Variants in GPR55 observed in about 807,000 individuals in gnomAD.
The protein encoded by GPR55 is G protein-coupled receptor 55, also known as G-protein coupled receptor 55.
In GPR55, 6 loss-of-function variants were observed where a neutral mutation model predicts 7.9. The observed-to-expected ratio is 0.76, with a 90% CI of 0.41 to 1.49. The LOEUF is 1.49. Ranked by LOEUF, GPR55 falls within the 40% of genes most tolerant of loss-of-function variation. GPR55 has a pLI of 0.01. For synonymous variants in GPR55, 183 were observed against 166.8 expected (o/e 1.10, Z -0.75); for missense variants, 376 against 406.0 (o/e 0.93, Z 0.63).
rs1280824916 is a variant in GPR55, at chr2:230,910,015, G to A, written c.948C>T (p.Ile316=). The A allele has an allele frequency of 3.1e-6, 5 of 1,613,018 alleles. No individual in the cohort carries two copies. Among genetic ancestry groups the A allele is most frequent in the Non-Finnish European group, 4.2e-6 (5 of 1,179,316 alleles). Residue 316 remains isoleucine, a synonymous_variant, in exon 2 of 2, where the codon ATC becomes ATT. Transcript: ENST00000650999. This position sits in a 1 kb window ranked among gnomAD's most constrained non-coding sequence, Gnocchi z 5.4. ...RVQLVLQDTT[I]SRG ...GGATGTCCTTCCGTTAGCCCCGGGA[G>A]ATCGTGGTGTCCTGCAGGACCAGCT...
At chr2:230,937,578 A>C (rs1229996608) in intron 1 of GPR55, among the ~76,000 whole-genome samples, 1 of 151,390 alleles carries the variant, frequency 6.6e-6, no homozygotes, top group Non-Finnish European at 1.5e-5. Flanking sequence ...TTGCCGAGAG[A>C]GCTTTTTGCT....
chr2:230,910,302 G>A lies in GPR55; in HGVS notation c.661C>T (p.Gln221Ter), dbSNP rs1447602616. Residue 221 changes from glutamine to a stop codon, truncating the protein, a stop_gained, in exon 2 of 2, where the codon CAG becomes TAG. Transcript: ENST00000650999. LOFTEE classifies it high-confidence loss of function. The surrounding 1 kb of genome is among the most constrained non-coding windows in gnomAD (Gnocchi z 5.4). Reference sequence around the variant, plus strand: ...GCGATGCTGTAGATGCAGGCTTTCTGCTGCACCCAGTCCTGGGTGTGGTCT... The same window carrying A: ...GCGATGCTGTAGATGCAGGCTTTCTACTGCACCCAGTCCTGGGTGTGGTCT... ...RRDHTQDWVQ[Q>*]KACIYSIAAS... is the part of the protein sequence containing the mutation. The A allele has an allele frequency of 6.2e-7, 1 of 1,613,932 alleles. No individual in the cohort carries two copies. Among genetic ancestry groups the A allele is most frequent in the Non-Finnish European group, 8.5e-7 (1 of 1,179,898 alleles).
chr2:230,945,981 CAG>C (rs1691306879), intron 1 of GPR55, among the ~76,000 whole-genome samples: 1 of 152,136 alleles, frequency 6.6e-6, no homozygotes, highest in Admixed American at 6.5e-5. Context: ...AAGTGTCCAT[CAG>C]TGGATGAATG....
intron 1 of GPR55, among the ~76,000 whole-genome samples, chr2:230,947,801 C>A (rs1358889372): frequency 6.6e-6 from 1 of 152,112 alleles, no homozygotes. Flanking sequence ...CACATCCAGC[C>A]TTTTAGTGCT....
At chr2:230,917,894 T>C (rs1418678882) in intron 1 of GPR55, among the ~76,000 whole-genome samples, 3 of 151,742 alleles carry the variant, frequency 2.0e-5, no homozygotes, top group Admixed American at 2.0e-4. Context: ...ACTAAATACA[T>C]GTGAAGAATA....
intron 1 of GPR55, among the ~76,000 whole-genome samples, chr2:230,930,767 G>C (rs534968626): frequency 5.9e-5 from 9 of 152,158 alleles, no homozygotes; most frequent in Non-Finnish European, 1.0e-4. Context: ...GCCTGGCTCA[G>C]TTTTATCTTT....
chr2:230,927,203 G>A (rs537920853), upstream of GPR55, among the ~76,000 whole-genome samples: 15 of 152,224 alleles, frequency 9.9e-5, no homozygotes, highest in South Asian at 2.1e-4. Context: ...GTGCCCGCCC[G>A]TGTACACCTG....
rs1336162993 is a variant in GPR55, at chr2:230,908,754, T to C, written c.*1249A>G. The C allele has an allele frequency of 6.6e-6, 1 of 152,328 alleles. No homozygotes were observed. Among genetic ancestry groups the C allele is most frequent in the Non-Finnish European group, 1.5e-5 (1 of 68,140 alleles). 9.4% of individuals were successfully genotyped at this position (152,328 alleles called of 1,614,324 possible). On this transcript the variant is annotated 3_prime_UTR_variant, in exon 2 of 2. Coordinates refer to ENST00000650999, the MANE Select transcript of GPR55 (RefSeq NM_005683.4). ...CAATGGATCCTTCTCATCATTTCACTCTCCGGAGCAGCTGAGTCATTGGGA... is the reference window on the plus strand; with the variant it reads ...CAATGGATCCTTCTCATCATTTCACCCTCCGGAGCAGCTGAGTCATTGGGA...
chr2:230,920,818 T>C (rs1272802777), intron 1 of GPR55, among the ~76,000 whole-genome samples: 2 of 151,630 alleles, frequency 1.3e-5, no homozygotes, highest in African/African-American at 4.9e-5. Flanking sequence ...TATCACAATA[T>C]AGAAAACAGA....
At chr2:230,930,233 A>C (rs1691013074), upstream of GPR55, among the ~76,000 whole-genome samples, 1 of 152,136 alleles carries the variant, frequency 6.6e-6, no homozygotes, top group Non-Finnish European at 1.5e-5. Flanking sequence ...CAGATGGTGG[A>C]CCCTTTTGAA....
chr2:230,960,085 T>C (rs1310892556), intron 1 of GPR55, among the ~76,000 whole-genome samples: 2 of 152,174 alleles, frequency 1.3e-5, no homozygotes, highest in African/African-American at 4.8e-5. Flanking sequence ...ATTTGACTTA[T>C]TCTACACCAA....
intron 1 of GPR55, among the ~76,000 whole-genome samples, chr2:230,913,401 T>C (rs1690637853): frequency 6.6e-6 from 1 of 152,196 alleles, no homozygotes; most frequent in South Asian, 2.1e-4. Context: ...TATATATAGA[T>C]AGATGTTTAT....
upstream of GPR55, chr2:230,929,466 C>G (rs1375373690): frequency 6.6e-6 from 1 of 152,272 alleles, no homozygotes; most frequent in Non-Finnish European, 1.5e-5. Context: ...TGCAGCCTTC[C>G]CCTCCCATGT....
rs149783193 is a variant in GPR55, at chr2:230,910,243, G to A, written c.720C>T (p.Leu240=). ...ASLAVFVVSF[L]PVHLGFFLQF... is the part of the protein sequence containing the mutation. ...GCAGGAAGAACCCCAGGTGGACTGG[G>A]AGGAAGGAGACCACGAAGACAGCCA... is the stretch of plus-strand genomic sequence containing the variant. Residue 240 remains leucine (L), a synonymous_variant, in exon 2 of 2, where the codon CTC becomes CTT. Coordinates refer to ENST00000650999, the MANE Select transcript of GPR55 (RefSeq NM_005683.4). This position sits in a 1 kb window ranked among gnomAD's most constrained non-coding sequence, Gnocchi z 5.4. 2.5e-6 allele frequency: 4 copies of A among 1,614,042 alleles called. No homozygotes were observed. Among genetic ancestry groups the A allele is most frequent in the African/African-American group, 2.7e-5 (2 of 74,932 alleles).
rs1298435857 is a variant in GPR55, at chr2:230,923,502, G to A, written c.-135+1666C>T. Among the ~76,000 whole-genome samples, 2 of 152,198 alleles carry A rather than the reference G, an allele frequency of 1.3e-5. No individual in the cohort carries two copies. Among genetic ancestry groups the A allele is most frequent in the African/African-American group, 4.8e-5 (2 of 41,444 alleles). On this transcript the variant is annotated intron_variant, in intron 1 of 1. Transcript: ENST00000650999. The surrounding 1 kb of genome is among the most constrained non-coding windows in gnomAD (Gnocchi z 4.1). ...AGTCATCCGCCTGTGCCTGAGCTGG[G>A]CTTCTGGGGGCCACGATAGAAGAAG... is the stretch of plus-strand genomic sequence containing the variant.
At chr2:230,960,981 A>G (rs1275743286) in exon 1 of GPR55, 3 of 152,260 alleles carry the variant, frequency 2.0e-5, no homozygotes, top group Non-Finnish European at 4.4e-5. Context: ...AAAAATCCCC[A>G]GGCTTCAGGC....
chr2:230,919,251 G>T (rs1417172043), intron 1 of GPR55, among the ~76,000 whole-genome samples: 3 of 152,092 alleles, frequency 2.0e-5, no homozygotes, highest in South Asian at 2.1e-4. Context: ...AAAGCTCTTT[G>T]TCAACTTAGC....
chr2:230,917,890 T>C (rs894540870), intron 1 of GPR55, among the ~76,000 whole-genome samples: 1 of 151,324 alleles, frequency 6.6e-6, no homozygotes, highest in African/African-American at 2.4e-5. Flanking sequence ...CAAAACTAAA[T>C]ACATGTGAAG....
At chr2:230,937,181 T>C (rs1468267093) in intron 1 of GPR55, among the ~76,000 whole-genome samples, 1 of 151,614 alleles carries the variant, frequency 6.6e-6, no homozygotes, top group Non-Finnish European at 1.5e-5. Flanking sequence ...GTGGGAGGAT[T>C]GCTTGAGGCC....
Sources: gnomAD v4.1 joint callset for allele counts (sites outside exome capture counted in the v4.1 genomes callset) on GRCh38, gnomAD v4.1.1 for gene constraint, Gnocchi (gnomAD v3.1) non-coding constraint, MANE v1.5 for transcripts, NCBI Gene and HGNC (gene_info 2026-07-23, HGNC 2026-07-21) for gene names.